Variants in PDE3A observed in about 807,000 individuals in gnomAD.
The protein encoded by PDE3A is cGMP-inhibited 3',5'-cyclic phosphodiesterase 3A.
PDE3A carries 43 observed loss-of-function variants against 98.3 expected under a neutral mutation model. That is an observed-to-expected ratio of 0.44 (90% CI 0.34 to 0.56). The LOEUF (loss-of-function observed/expected upper bound fraction) is 0.56. Among genes scored for constraint, PDE3A ranks in the 20% least tolerant of loss-of-function variants. The pLI, the probability that PDE3A is intolerant of heterozygous loss-of-function variation, is 0.01. For synonymous variants in PDE3A, 663 were observed against 567.9 expected (o/e 1.17, Z -2.38); for missense variants, 1,427 against 1,440.7 (o/e 0.99, Z 0.15).
At chr12:20,532,687 CTTTTTTTTTT>C (rs137966114) in intron 1 of PDE3A, among the ~76,000 whole-genome samples, 2 of 107,888 alleles carry the variant, frequency 1.9e-5, no homozygotes, top group African/African-American at 3.3e-5. Flanking sequence ...GTTTCTCTCT[CTTTTTTTTTT>C]TTTTTTTTTG....
At chr12:20,389,294 G>A (rs896421875) in intron 1 of PDE3A, among the ~76,000 whole-genome samples, 1 of 151,952 alleles carries the variant, frequency 6.6e-6, no homozygotes, top group Non-Finnish European at 1.5e-5. Context: ...CCAGATCTCA[G>A]CCTTGCAGGT....
chr12:20,422,524 A>G (rs1453915928), intron 1 of PDE3A, among the ~76,000 whole-genome samples: 1 of 152,210 alleles, frequency 6.6e-6, no homozygotes, highest in Non-Finnish European at 1.5e-5. Flanking sequence ...CTTTTGTTCC[A>G]TTGCATGTTA....
chr12:20,407,769 T>C (rs1944259191), intron 1 of PDE3A, among the ~76,000 whole-genome samples: 1 of 152,166 alleles, frequency 6.6e-6, no homozygotes, highest in South Asian at 2.1e-4. Flanking sequence ...TCATATGTTT[T>C]TCATAGTATA....
chr12:20,659,510 C>T (rs1672106303), intron 15 of PDE3A, among the ~76,000 whole-genome samples: 1 of 151,964 alleles, frequency 6.6e-6, no homozygotes, highest in Non-Finnish European at 1.5e-5. Context: ...ATATCTACTT[C>T]ATTAAATAGA....
At chr12:20,619,253 T>G (rs1288177829) in intron 4 of PDE3A, among the ~76,000 whole-genome samples, 9 of 152,082 alleles carry the variant, frequency 5.9e-5, no homozygotes, top group Non-Finnish European at 1.5e-5. Context: ...TTATTTATCT[T>G]GAGTTCATTA....
intron 1 of PDE3A, among the ~76,000 whole-genome samples, chr12:20,445,044 G>A (rs955059596): frequency 4.6e-5 from 7 of 152,132 alleles, no homozygotes; most frequent in East Asian, 1.9e-4. Context: ...CAAATCCATC[G>A]CCACTGCTAG....
chr12:20,513,141 T>A (rs1314117067), intron 1 of PDE3A, among the ~76,000 whole-genome samples: 1 of 152,162 alleles, frequency 6.6e-6, no homozygotes, highest in Non-Finnish European at 1.5e-5. Context: ...GTTTTACATT[T>A]TGTCACATGC....
intron 1 of PDE3A, among the ~76,000 whole-genome samples, chr12:20,508,029 T>C (rs552758129): frequency 6.6e-6 from 1 of 152,218 alleles, no homozygotes; most frequent in East Asian, 1.9e-4. Flanking sequence ...CCTGTGCAAT[T>C]AGGCTCTTTT....
intron 15 of PDE3A, among the ~76,000 whole-genome samples, chr12:20,663,587 C>T (rs185437908): frequency 8.1e-4 from 123 of 152,296 alleles, no homozygotes; most frequent in Admixed American, 1.8e-3. Context: ...ATAACAACTG[C>T]CCTTTTGAAT....
chr12:20,607,859 T>TA (rs1181171622), intron 2 of PDE3A, among the ~76,000 whole-genome samples: 7 of 152,190 alleles, frequency 4.6e-5, no homozygotes, highest in African/African-American at 1.7e-4. Context: ...AACTGGCTTT[T>TA]ATATAAACTT....
rs546268474 is a variant in PDE3A at position 20,500,539 on chromosome 12, T to C, written c.961-56121T>C. Among the ~76,000 whole-genome samples, 10 of 152,264 alleles carry C rather than the reference T, an allele frequency of 6.6e-5. No homozygotes were observed. The South Asian group carries it at 2.1e-3, about 32-fold the overall frequency. ...TTTAGACTTCAAATATTTTCTTCCATGTGATATCCTTTAAAATGTTTTCTT... is the reference window on the plus strand; with the variant it reads ...TTTAGACTTCAAATATTTTCTTCCACGTGATATCCTTTAAAATGTTTTCTT... On this transcript the variant is annotated intron_variant, in intron 1 of 15. Coordinates refer to ENST00000359062, the MANE Select transcript of PDE3A (RefSeq NM_000921.5).
intron 15 of PDE3A, among the ~76,000 whole-genome samples, chr12:20,667,432 T>C (rs938600273): frequency 6.6e-6 from 1 of 152,204 alleles, no homozygotes; most frequent in African/African-American, 2.4e-5. Flanking sequence ...CTTTAATCTA[T>C]CTTGAGTTGA....
At chr12:20,422,911 T>A (rs1410680794) in intron 1 of PDE3A, among the ~76,000 whole-genome samples, 14 of 152,196 alleles carry the variant, frequency 9.2e-5, no homozygotes, top group African/African-American at 2.9e-4. Context: ...GACATAATTT[T>A]AAAATACTGA....
chr12:20,653,464 G>GT (rs1159542403), intron 14 of PDE3A, among the ~76,000 whole-genome samples: 1 of 151,912 alleles, frequency 6.6e-6, no homozygotes, highest in Non-Finnish European at 1.5e-5. Flanking sequence ...CTGGGTTCAA[G>GT]TGATTCTCCT....
chr12:20,657,797 T>C (rs1945076925), intron 15 of PDE3A, among the ~76,000 whole-genome samples: 1 of 152,164 alleles, frequency 6.6e-6, no homozygotes, highest in South Asian at 2.1e-4. Context: ...CATTTAACAG[T>C]ATTAATAAGA....
chr12:20,590,319 T>C (rs1456831022), intron 2 of PDE3A, among the ~76,000 whole-genome samples: 1 of 149,982 alleles, frequency 6.7e-6, no homozygotes. Context: ...TCCAACTTCC[T>C]CTGACCCCTT....
chr12:20,673,400 C>A (rs1294263086), intron 15 of PDE3A, among the ~76,000 whole-genome samples: 73 of 145,336 alleles, frequency 5.0e-4, no homozygotes, highest in Middle Eastern at 6.9e-3. Context: ...CACATGCACA[C>A]GTATGTTTAT....
At chr12:20,661,309 C>A (rs372805651) in intron 15 of PDE3A, among the ~76,000 whole-genome samples, 1 of 152,102 alleles carries the variant, frequency 6.6e-6, no homozygotes, top group East Asian at 1.9e-4. Flanking sequence ...GGAAGCAGAA[C>A]ATAAAAATTC....
intron 1 of PDE3A, among the ~76,000 whole-genome samples, chr12:20,506,551 A>G (rs934768480): frequency 1.6e-4 from 25 of 152,044 alleles, no homozygotes; most frequent in African/African-American, 5.6e-4. Context: ...TAAGAATCTT[A>G]TAATTGTATT....
Sources: allele counts gnomAD v4.1 joint callset (sites outside exome capture counted in the v4.1 genomes callset), GRCh38; gene constraint gnomAD v4.1.1; transcripts MANE v1.5; gene names NCBI Gene and HGNC (gene_info 2026-07-23, HGNC 2026-07-21).